MYCBP2: variants seen among roughly 807,000 people sequenced by gnomAD.
MYCBP2 encodes the protein E3 ubiquitin-protein ligase MYCBP2.
MYCBP2 carries 120 observed loss-of-function variants against 525.3 expected under a neutral mutation model. The observed-to-expected ratio is 0.23, with a 90% CI of 0.20 to 0.27. The LOEUF is 0.27. MYCBP2 is among the 10% of genes least tolerant of loss of function. The pLI, the probability that MYCBP2 is intolerant of heterozygous loss-of-function variation, is 1.00. For synonymous variants in MYCBP2, 1,894 were observed against 1,955.8 expected, an observed-to-expected ratio of 0.97 and a Z score of 0.83; for missense variants, 4,149 against 5,657.1, an observed-to-expected ratio of 0.73 and a Z score of 8.55.
At chr13:77,151,101 G>T in intron 46 of MYCBP2, 152 bp from the exon 47 acceptor site, 1 of 656,794 alleles carries the variant, frequency 1.5e-6, no homozygotes, top group Non-Finnish European at 2.6e-6. Flanking sequence ...TTATTGAAAA[G>T]AGTTCAAATG....
At chr13:77,276,031 G>A (rs9593219) in intron 4 of MYCBP2, among the ~76,000 whole-genome samples, 4,585 of 152,164 alleles carry the variant, frequency 0.03, 241 homozygotes, top group African/African-American at 0.1. Flanking sequence ...TCCTCCATAC[G>A]ATTTATCCAC....
Position 77,097,897 on chromosome 13 carries a change from T to C in MYCBP2, c.9257A>G (p.Lys3086Arg). The C allele has an allele frequency of 6.2e-7, 1 of 1,612,660 alleles. No individual in the cohort carries two copies. Among genetic ancestry groups the C allele is most frequent in the Non-Finnish European group, 8.5e-7 (1 of 1,179,582 alleles). Residue 3086 changes from lysine to arginine, a missense_variant, in exon 56 of 83, where the codon AAA becomes AGA. Physicochemically the swap from Lys to Arg is conservative, Grantham distance 26 (BLOSUM62 2). Transcript: ENST00000544440. ...QPTEEKETKL[K>R]NRHSLEISSA... is the part of the protein sequence containing the mutation. Reference sequence around the variant, plus strand: ...TGATATTTCTAATGAATGTCTATTTTTTAACTTGGTTTCTTTTTCCTCTGT... The same window carrying C: ...TGATATTTCTAATGAATGTCTATTTCTTAACTTGGTTTCTTTTTCCTCTGT...
At chr13:77,178,950 G>C (rs2059965558) in intron 34 of MYCBP2, among the ~76,000 whole-genome samples, 1 of 152,154 alleles carries the variant, frequency 6.6e-6, no homozygotes, top group East Asian at 1.9e-4. Flanking sequence ...AATGTAAAAA[G>C]TTAAAAAATT....
Position 77,161,980 on chromosome 13 carries a change from C to T in MYCBP2, c.6548-25G>A, listed in dbSNP as rs546885630. On this transcript the variant is annotated intron_variant, in intron 43 of 82. Transcript: ENST00000544440. ...CCTGTTGTGTAAATAAAGAGTTTTA[C>T]TAAAATATGTCAATATTTAGTTTAG... The T allele has an allele frequency of 8.1e-6, 12 of 1,484,290 alleles. No individual in the cohort carries two copies. The African/African-American group carries it at 1.4e-4, about 17-fold the overall frequency. 91.9% of individuals were successfully genotyped at this position (1,484,290 alleles called of 1,614,324 possible).
At chr13:77,166,270 C>A in intron 41 of MYCBP2, 59 bp downstream of exon 41, 1 of 1,201,884 alleles carries the variant, frequency 8.3e-7, no homozygotes, top group Non-Finnish European at 1.2e-6. Context: ...TACACCCTTA[C>A]TAAATATACA....
At chr13:77,180,824 G>GT (rs1377825991) in intron 33 of MYCBP2, among the ~76,000 whole-genome samples, 2 of 152,200 alleles carry the variant, frequency 1.3e-5, no homozygotes, top group Non-Finnish European at 2.9e-5. Flanking sequence ...GGAGGCTGAG[G>GT]TGGGAAGATC....
In MYCBP2 at chr13:77,067,753, T is replaced by C; in HGVS notation, c.12283A>G (p.Thr4095Ala). Residue 4095 changes from threonine to alanine, a missense_variant, in exon 71 of 83, where the codon ACA becomes GCA. Transcript: ENST00000544440. ...AGCTTATTCCAGTCTCCTTTCTCTGTTGAGTGAATGATATCACTGATATCT... is the reference window on the plus strand; with the variant it reads ...AGCTTATTCCAGTCTCCTTTCTCTGCTGAGTGAATGATATCACTGATATCT... ...PADISDIIHS[T>A]EKGDWNKLGI... 2 of 1,614,162 alleles carry C rather than the reference T, an allele frequency of 1.2e-6. No homozygotes were observed. Among genetic ancestry groups the C allele is most frequent in the South Asian group, 1.1e-5 (1 of 91,084 alleles).
In MYCBP2 at chr13:77,225,567, T is replaced by C. The variant is rs2066142008; in HGVS notation, c.2738-13A>G. On this transcript the variant is annotated splice_polypyrimidine_tract_variant and intron_variant, in intron 18 of 82. Coordinates refer to ENST00000544440, the MANE Select transcript of MYCBP2 (RefSeq NM_015057.5). ...TCTCCACTTCCATCTGCAAGTGTTA[T>C]AATTTGTGAATTATGATTAAGCCAT... 1.2e-6 allele frequency: 2 copies of C among 1,612,942 alleles called. No homozygotes were observed. Among genetic ancestry groups the C allele is most frequent in the African/African-American group, 1.3e-5 (1 of 74,884 alleles).
chr13:77,161,812 T>TGAACCCA (rs1161133739), intron 44 of MYCBP2, 94 bp downstream of exon 44: 1 of 899,940 alleles, frequency 1.1e-6, no homozygotes, highest in Non-Finnish European at 1.7e-6. Context: ...ACTTAATGAA[T>TGAACCCA]GAACCCAATG....
At chr13:77,095,979 CAA>C (rs914347055) in intron 57 of MYCBP2, among the ~76,000 whole-genome samples, 1 of 150,468 alleles carries the variant, frequency 6.6e-6, no homozygotes, top group Non-Finnish European at 1.5e-5. Context: ...ACAAAGGAGC[CAA>C]AAAAAGAGGA....
chr13:77,196,116 G>C (rs927660811), intron 26 of MYCBP2, among the ~76,000 whole-genome samples: 1 of 152,164 alleles, frequency 6.6e-6, no homozygotes, highest in Non-Finnish European at 1.5e-5. Context: ...TGGGGAAGTG[G>C]GCTATGTAGG....
At chr13:77,113,290 T>C (rs1417203674) in intron 55 of MYCBP2, among the ~76,000 whole-genome samples, 1 of 152,204 alleles carries the variant, frequency 6.6e-6, no homozygotes, top group Non-Finnish European at 1.5e-5. Flanking sequence ...AGCTTTCCTA[T>C]GTTTCCATTG....
intron 21 of MYCBP2, among the ~76,000 whole-genome samples, chr13:77,215,753 A>AT (rs2064730374): frequency 6.6e-6 from 1 of 152,054 alleles, no homozygotes; most frequent in East Asian, 1.9e-4. Context: ...CACCCAGCTA[A>AT]TTTTTTTAAT....
intron 30 of MYCBP2, among the ~76,000 whole-genome samples, chr13:77,186,621 T>C (rs2060746326): frequency 6.6e-6 from 1 of 152,114 alleles, no homozygotes; most frequent in East Asian, 1.9e-4. Context: ...AAAAAATTCC[T>C]ATTTTGATTA....
Position 77,095,404 on chromosome 13 carries a change from C to T in MYCBP2, c.10153G>A (p.Asp3385Asn), listed in dbSNP as rs141165449. The T allele has an allele frequency of 1.9e-6, 3 of 1,613,272 alleles. No homozygotes were observed. The African/African-American group carries it at 4.0e-5, about 22-fold the overall frequency. ...AGACAAGGCATTTTCACAGGAAGAT[C>T]CTCAGAAATGCCTTCTTTTACACTG... Reference protein sequence around the residue: ...LPSVKEGISEDLPVKMPCLYL... With the variant: ...LPSVKEGISENLPVKMPCLYL... The change falls in exon 58 of 83, where the codon GAT (aspartate) becomes AAT (asparagine). Residue 3385 changes from aspartate to asparagine, a missense_variant. Coordinates refer to ENST00000544440, the MANE Select transcript of MYCBP2 (RefSeq NM_015057.5).
chr13:77,259,029 T>C (rs1019955499), intron 13 of MYCBP2, among the ~76,000 whole-genome samples: 3 of 151,996 alleles, frequency 2.0e-5, no homozygotes, highest in Non-Finnish European at 4.4e-5. Flanking sequence ...CTGAGGCGAG[T>C]GTATCACTTG....
At chr13:77,319,711 TCA>T (rs2081366620) in intron 1 of MYCBP2, among the ~76,000 whole-genome samples, 1 of 152,194 alleles carries the variant, frequency 6.6e-6, no homozygotes, top group Non-Finnish European at 1.5e-5. Context: ...GCATTCCAAC[TCA>T]CCACCAGTGA....
chr13:77,052,958 T>G (rs1408440195), intron 80 of MYCBP2, among the ~76,000 whole-genome samples: 4 of 151,854 alleles, frequency 2.6e-5, no homozygotes, highest in African/African-American at 9.7e-5. Flanking sequence ...GCAAAACCCA[T>G]CTCTATCAAA....
At chr13:77,179,832 C>T (rs1170375204) in intron 34 of MYCBP2, among the ~76,000 whole-genome samples, 1 of 152,146 alleles carries the variant, frequency 6.6e-6, no homozygotes, top group African/African-American at 2.4e-5. Flanking sequence ...TGAGAACTAT[C>T]TTTGCTTTTC....
Sources: gnomAD v4.1 joint callset for allele counts (sites outside exome capture counted in the v4.1 genomes callset) on GRCh38, gnomAD v4.1.1 for gene constraint, MANE v1.5 for transcripts, NCBI Gene and HGNC (gene_info 2026-07-23, HGNC 2026-07-21) for gene names.